The following LYPD6B variants were observed in gnomAD, a reference collection of about 807,000 sequenced individuals.
The protein encoded by LYPD6B is LY6/PLAUR domain containing 6B.
In LYPD6B, 17 loss-of-function variants were observed where a neutral mutation model predicts 22.8. The ratio of observed to expected loss-of-function variants is 0.75; its 90% confidence interval spans 0.51 to 1.12. LYPD6B has a LOEUF of 1.12. LYPD6B is among the 50% of genes most tolerant of loss of function. The pLI, the probability that LYPD6B is intolerant of heterozygous loss-of-function variation, is 0.00. For missense variants in LYPD6B, 221 were observed against 258.3 expected (o/e 0.86, Z 0.99); for synonymous variants, 106 against 91.6 (o/e 1.16, Z -0.90).
intron 1 of LYPD6B, among the ~76,000 whole-genome samples, chr2:149,045,413 T>C (rs1683263470): frequency 6.6e-6 from 1 of 152,054 alleles, no homozygotes; most frequent in African/African-American, 2.4e-5. Context: ...TTCAATTTAA[T>C]TGATTTCTGC....
chr2:149,054,606 C>A (rs1406303925), intron 1 of LYPD6B, among the ~76,000 whole-genome samples: 2 of 152,058 alleles, frequency 1.3e-5, no homozygotes, highest in Non-Finnish European at 2.9e-5. Flanking sequence ...TAATTTTGAC[C>A]AGTGCAGTGG....
At chr2:149,092,551 G>T (rs1685705738) in intron 1 of LYPD6B, among the ~76,000 whole-genome samples, 1 of 152,132 alleles carries the variant, frequency 6.6e-6, no homozygotes, top group Non-Finnish European at 1.5e-5. Flanking sequence ...ATTTTTAGCT[G>T]AGCACATGGC....
At chr2:149,041,093 C>T (rs560222205) in intron 1 of LYPD6B, among the ~76,000 whole-genome samples, 9 of 118,978 alleles carry the variant, frequency 7.6e-5, no homozygotes, top group African/African-American at 1.6e-4. Context: ...AGCAAGACTC[C>T]GTCTCAAAAA....
At chr2:149,121,097 T>C (rs1012040410) in intron 1 of LYPD6B, among the ~76,000 whole-genome samples, 4 of 152,188 alleles carry the variant, frequency 2.6e-5, no homozygotes, top group African/African-American at 9.7e-5. Flanking sequence ...TGGCAAAGTC[T>C]TAATGATATT....
intron 1 of LYPD6B, among the ~76,000 whole-genome samples, chr2:149,119,477 T>G (rs1687173654): frequency 6.6e-6 from 1 of 152,212 alleles, no homozygotes; most frequent in Non-Finnish European, 1.5e-5. Context: ...GAAAGTACAT[T>G]TCTCTTGGAT....
At chr2:149,214,410 G>T in intron 6 of LYPD6B, 136 bp from the exon 7 acceptor site, 1 of 812,820 alleles carries the variant, frequency 1.2e-6, no homozygotes, top group Middle Eastern at 3.4e-4. Context: ...GAGCCTAGAT[G>T]ATGCAAAATT....
rs146644947 is a variant in LYPD6B at position 149,157,815 on chromosome 2, A to G, written c.6-2949A>G. On this transcript the variant is annotated intron_variant, in intron 2 of 6. Coordinates refer to ENST00000409642, the MANE Select transcript of LYPD6B (RefSeq NM_177964.5). ...CCTGGTTACCTTATTTATATACCCT[A>G]GAAATGAAAAACTTTTGGGTGATAT... is the stretch of plus-strand genomic sequence containing the variant. Among the ~76,000 whole-genome samples the G allele has an allele frequency of 3.7e-3, 566 of 152,294 alleles. 4 individuals are homozygous for G. Among genetic ancestry groups the G allele is most frequent in the African/African-American group, 0.013 (526 of 41,564 alleles).
rs375415956 is a variant in LYPD6B, at chr2:149,117,042, ATC to A, written c.-66-13836_-66-13835del. ...TTTGGGCCCCTTCTTGTTTATTTGA[ATC>A]TCTCAGTCTTGTCTGCTGTTTTATT... On this transcript the variant is annotated intron_variant, in intron 1 of 6. Transcript: ENST00000409642. 1.9e-3 allele frequency among the ~76,000 whole-genome samples: 291 copies of A among 152,070 alleles called. 1 individual carries two copies. The highest frequency in any genetic ancestry group is 6.7e-3 in the African/African-American group (279 of 41,498).
In LYPD6B at chr2:149,189,369, C is replaced by CATACAT. The variant is rs59507620; in HGVS notation, c.78-15883_78-15882insTACATA. Among the ~76,000 whole-genome samples, 29 of 91,630 alleles carry CATACAT rather than the reference C, an allele frequency of 3.2e-4. No homozygotes were observed. The South Asian group carries it at 4.4e-3, about 14-fold the overall frequency. 60.1% of individuals were successfully genotyped at this position (91,630 alleles called of 152,430 possible). A position where few individuals can be genotyped will look rare whatever the true frequency, so the allele number is the denominator to read the frequency against. ...ATATATATATATATATATATATATACACACACATATGTATATATGTATATA... is the reference window on the plus strand; with the variant it reads ...ATATATATATATATATATATATATACATACATACACACATATGTATATATGTATATA... On this transcript the variant is annotated intron_variant, in intron 3 of 6. Transcript: ENST00000409642.
rs547473773 is a variant in LYPD6B, at chr2:149,051,368, C to T, written c.-67+12567C>T. On this transcript the variant is annotated intron_variant, in intron 1 of 6. Coordinates refer to ENST00000409642, the MANE Select transcript of LYPD6B (RefSeq NM_177964.5). ...TTTTAGTAGAGATGGGGTTTCACCA[C>T]GTTAGCCAGGATGGTCTCGATCTCC... Among the ~76,000 whole-genome samples, 5 of 151,676 alleles carry T rather than the reference C, an allele frequency of 3.3e-5. No individual in the cohort carries two copies. The South Asian group carries it at 6.3e-4, about 19-fold the overall frequency.
chr2:149,175,535 T>C (rs1691230167), intron 3 of LYPD6B, among the ~76,000 whole-genome samples: 1 of 152,064 alleles, frequency 6.6e-6, no homozygotes, highest in Non-Finnish European at 1.5e-5. Flanking sequence ...AAAAATATTT[T>C]TCTTTTTTTA....
Position 149,205,313 on chromosome 2 carries a change from C to G in LYPD6B, c.138C>G (p.Leu46=). 2.5e-6 allele frequency: 4 copies of G among 1,614,000 alleles called. No homozygotes were observed. Among genetic ancestry groups the G allele is most frequent in the Non-Finnish European group, 3.4e-6 (4 of 1,179,860 alleles). ...GCATGCTGCTCCTCTGTCACGCTCT[C>G]GCTATAGCTGTTGTCCAGATCGTTA... ...KVSMLLLCHA[L]AIAVVQIVIF... is the part of the protein sequence containing the mutation. The change falls in exon 4 of 7, where the codon CTC becomes CTG. Residue 46 remains leucine (L), a synonymous_variant. Transcript: ENST00000409642.
chr2:149,132,850 C>A (rs1688115627), intron 2 of LYPD6B, among the ~76,000 whole-genome samples: 1 of 152,136 alleles, frequency 6.6e-6, no homozygotes, highest in Non-Finnish European at 1.5e-5. Context: ...CTGTCCAAAG[C>A]CCTCAGTTTC....
chr2:149,177,429 C>T (rs1439394672), intron 3 of LYPD6B, among the ~76,000 whole-genome samples: 12 of 152,198 alleles, frequency 7.9e-5, no homozygotes, highest in Non-Finnish European at 1.8e-4. Context: ...TAGCTCTGCT[C>T]CCATTTGGCT....
At chr2:149,163,447 G>A (rs1374634058) in intron 3 of LYPD6B, among the ~76,000 whole-genome samples, 3 of 152,154 alleles carry the variant, frequency 2.0e-5, no homozygotes, top group Non-Finnish European at 4.4e-5. Context: ...ACAAACAGAA[G>A]AACAAACAAG....
At chr2:149,179,618 A>T (rs530265686) in intron 3 of LYPD6B, among the ~76,000 whole-genome samples, 3 of 152,338 alleles carry the variant, frequency 2.0e-5, no homozygotes, top group Non-Finnish European at 4.4e-5. Flanking sequence ...AGGCATTCAG[A>T]ATATCCAGGA....
intron 3 of LYPD6B, among the ~76,000 whole-genome samples, chr2:149,167,316 C>T (rs1690494631): frequency 6.6e-6 from 1 of 152,114 alleles, no homozygotes; most frequent in South Asian, 2.1e-4. Flanking sequence ...CTGTTTTTTC[C>T]CTGCCATAAA....
At position 149,125,653 on chromosome 2, in the gene LYPD6B, T is replaced by C. The variant is rs1028706482; in HGVS notation, c.-66-5230T>C. ...CCCATTTCCAAAGAACTCAGGCATC[T>C]TCGAGTACCTTAACTCCAATCACTC... is the stretch of plus-strand genomic sequence containing the variant. On this transcript the variant is annotated intron_variant, in intron 1 of 6. Transcript: ENST00000409642. Among the ~76,000 whole-genome samples, 6 of 152,178 alleles carry C rather than the reference T, an allele frequency of 3.9e-5. No individual in the cohort carries two copies. The South Asian group carries it at 1.2e-3, about 32-fold the overall frequency.
At chr2:149,114,596 T>C (rs1686912655) in intron 1 of LYPD6B, among the ~76,000 whole-genome samples, 1 of 152,182 alleles carries the variant, frequency 6.6e-6, no homozygotes, top group South Asian at 2.1e-4. Flanking sequence ...CACACACTAC[T>C]GTTCTAAGGG....
Sources: allele counts gnomAD v4.1 joint callset (sites outside exome capture counted in the v4.1 genomes callset), GRCh38; gene constraint gnomAD v4.1.1; transcripts MANE v1.5; gene names NCBI Gene and HGNC (gene_info 2026-07-23, HGNC 2026-07-21).